OR6K3: variants seen among roughly 807,000 people sequenced by gnomAD.
OR6K3 encodes the protein olfactory receptor family 6 subfamily K member 3, also known as olfactory receptor 6K3.
For missense variants in OR6K3, 396 were observed against 382.5 expected, an observed-to-expected ratio of 1.04 and a Z score of -0.29; for synonymous variants, 169 against 137.7, an observed-to-expected ratio of 1.23 and a Z score of -1.59.
rs1656151861 is a variant in OR6K3 at position 158,716,624 on chromosome 1, T to G, written c.*544A>C. 6.5e-6 allele frequency: 1 copy of G among 152,856 alleles called. No individual in the cohort carries two copies. The highest frequency in any genetic ancestry group is 2.1e-4 in the South Asian group (1 of 4,856). 9.5% of individuals were successfully genotyped at this position (152,856 alleles called of 1,614,324 possible). On this transcript the variant is annotated 3_prime_UTR_variant, in exon 2 of 2. Coordinates refer to ENST00000368145, the MANE Select transcript of OR6K3 (RefSeq NM_001005327.3). ...AACAAATTTTCTTTAACCACAGCAT[T>G]TCAGAAGAAAGAAACTACAGTTATT...
chr1:158,725,051 T>C (rs1441015037), upstream of OR6K3: 1 of 152,578 alleles, frequency 6.6e-6, no homozygotes, highest in Non-Finnish European at 1.5e-5. Flanking sequence ...TGTAGCAGTT[T>C]GGTTAATACT....
chr1:158,721,934 T>C (rs1466556117), upstream of OR6K3, among the ~76,000 whole-genome samples: 1 of 151,934 alleles, frequency 6.6e-6, no homozygotes, highest in Non-Finnish European at 1.5e-5. Context: ...TTTCTCAACT[T>C]TTTTTCTGAT....
chr1:158,724,031 G>C (rs1461478158), upstream of OR6K3: 1 of 152,176 alleles, frequency 6.6e-6, no homozygotes, highest in Non-Finnish European at 1.5e-5. Flanking sequence ...ATATCCATGT[G>C]ACAATGAATG....
At chr1:158,723,546 CTG>C (rs1234750329), upstream of OR6K3, among the ~76,000 whole-genome samples, 3 of 152,042 alleles carry the variant, frequency 2.0e-5, no homozygotes, top group Admixed American at 2.0e-4. Flanking sequence ...TGCACAAGCT[CTG>C]TGTTTTGCAC....
At chr1:158,718,583 T>A (rs1656223028) in intron 1 of OR6K3, among the ~76,000 whole-genome samples, 1 of 151,862 alleles carries the variant, frequency 6.6e-6, no homozygotes, top group Non-Finnish European at 1.5e-5. Context: ...AAATTATATA[T>A]CTGTATCTCA....
upstream of OR6K3, among the ~76,000 whole-genome samples, chr1:158,721,697 G>T (rs1435180421): frequency 4.7e-5 from 7 of 150,406 alleles, no homozygotes; most frequent in Non-Finnish European, 8.9e-5. Flanking sequence ...CCTCTGTTTT[G>T]TTTTTTTTCT....
At chr1:158,724,715 TC>T, upstream of OR6K3, 1 of 225,364 alleles carries the variant, frequency 4.4e-6, no homozygotes. Context: ...GCCATGGTGG[TC>T]AACAAAATCC....
intron 1 of OR6K3, among the ~76,000 whole-genome samples, chr1:158,719,374 A>G (rs893007419): frequency 1.3e-5 from 2 of 151,908 alleles, no homozygotes; most frequent in African/African-American, 4.8e-5. Flanking sequence ...TAAACTATTA[A>G]TACTTCTAAA....
chr1:158,717,933 A>C lies in OR6K3; in HGVS notation c.183T>G (p.Asn61Lys). Residue 61 changes from asparagine (N) to lysine (K), a missense_variant, in exon 2 of 2, where the codon AAT becomes AAG. By Grantham distance (94) the Asn-to-Lys change is moderately conservative. Coordinates refer to ENST00000368145, the MANE Select transcript of OR6K3 (RefSeq NM_001005327.3). ...CCAGAAAGGAAAATATACTGATAAA[A>C]TTATACATGGGGTTGTGGAGATGGG... ...LDTHLHNPMY[N>K]FISIFSFLEI... 1 of 1,613,756 alleles carries C rather than the reference A, an allele frequency of 6.2e-7. No homozygotes were observed. Among genetic ancestry groups the C allele is most frequent in the Non-Finnish European group, 8.5e-7 (1 of 1,179,794 alleles).
chr1:158,720,096 T>G (rs1052736297), intron 1 of OR6K3, among the ~76,000 whole-genome samples: 5 of 152,032 alleles, frequency 3.3e-5, no homozygotes, highest in African/African-American at 1.2e-4. Context: ...TGTAAATGTA[T>G]TTTAAAACCT....
upstream of OR6K3, chr1:158,724,781 T>C (rs533063171): frequency 4.1e-5 from 9 of 221,334 alleles, no homozygotes; most frequent in South Asian, 6.4e-4. Context: ...CAGCCAACCA[T>C]GGAGATGGTC....
In OR6K3 at chr1:158,716,807, T is replaced by C. The variant is rs2101984426; in HGVS notation, c.*361A>G. ...TATAGAGTAATCTCATGTTCTAATA[T>C]GTTAGACAAACATTAAAGCAATGGA... On this transcript the variant is annotated 3_prime_UTR_variant, in exon 2 of 2. Coordinates refer to ENST00000368145, the MANE Select transcript of OR6K3 (RefSeq NM_001005327.3). The C allele has an allele frequency of 5.0e-6, 1 of 199,978 alleles. No individual in the cohort carries two copies. The allele number at this position is 199,978 out of a possible 1,614,324, so 12.4% of individuals were successfully genotyped here.
At chr1:158,722,184 G>A (rs1571572686), upstream of OR6K3, among the ~76,000 whole-genome samples, 1 of 152,012 alleles carries the variant, frequency 6.6e-6, no homozygotes, top group East Asian at 1.9e-4. Context: ...TTTTAAAGAA[G>A]GCAATCTGTG....
upstream of OR6K3, chr1:158,724,560 G>C: frequency 3.8e-6 from 1 of 264,216 alleles, no homozygotes; most frequent in African/African-American, 2.3e-5. Flanking sequence ...GTCCACAGAA[G>C]GGCAGTGTGG....
At chr1:158,718,460 G>A (rs1656220595) in intron 1 of OR6K3, among the ~76,000 whole-genome samples, 1 of 150,930 alleles carries the variant, frequency 6.6e-6, no homozygotes, top group Admixed American at 6.6e-5. Context: ...GTCTCCAAAT[G>A]TTTTAATAAT....
At position 158,718,006 on chromosome 1, in the gene OR6K3, A is replaced by C. The variant is rs138237790; in HGVS notation, c.110T>G (p.Phe37Cys). Reference sequence around the variant, plus strand: ...GATTAATAAGTTATCAATGATAATAAAAGTATAGATGAAAAGTAAAGGAAA... The same window carrying C: ...GATTAATAAGTTATCAATGATAATACAAGTATAGATGAAAAGTAAAGGAAA... ...YFFPLLFIYT[F>C]IIIDNLLIFS... The change falls in exon 2 of 2, where the codon TTT (phenylalanine) becomes TGT (cysteine). Residue 37 changes from phenylalanine (F) to cysteine (C), a missense_variant. Phe to Cys is a radical substitution (Grantham distance 205, BLOSUM62 -2). Transcript: ENST00000368145. The C allele has an allele frequency of 9.2e-5, 149 of 1,612,496 alleles. No homozygotes were observed. Among genetic ancestry groups the C allele is most frequent in the Non-Finnish European group, 1.2e-4 (137 of 1,178,864 alleles).
Position 158,719,220 on chromosome 1 carries a change from T to C in OR6K3, c.-17-1088A>G, listed in dbSNP as rs115346236. 6.3e-3 allele frequency among the ~76,000 whole-genome samples: 957 copies of C among 152,056 alleles called. 6 individuals are homozygous for C. The highest frequency in any genetic ancestry group is 0.022 in the African/African-American group (911 of 41,510). The stretch of plus-strand genomic sequence containing the variant: ...TATTTTATTTATATTTTCTTTCTTA[T>C]TCTGCCTCTTCTCTCTTATATTAGC... On this transcript the variant is annotated intron_variant, in intron 1 of 1. Coordinates refer to ENST00000368145, the MANE Select transcript of OR6K3 (RefSeq NM_001005327.3).
At chr1:158,722,646 G>A (rs540378546), upstream of OR6K3, among the ~76,000 whole-genome samples, 1 of 152,048 alleles carries the variant, frequency 6.6e-6, no homozygotes, top group African/African-American at 2.4e-5. Flanking sequence ...CCAACACCGG[G>A]CAGATAAGTA....
In OR6K3 at chr1:158,716,905, G is replaced by T. The variant is rs896290193; in HGVS notation, c.*263C>A. ...GGCAGAGGAGTTTGGATCACCTAAG[G>T]TCAGGAGTTCAAGACCAGCCTGACC... On this transcript the variant is annotated 3_prime_UTR_variant, in exon 2 of 2. Coordinates refer to ENST00000368145, the MANE Select transcript of OR6K3 (RefSeq NM_001005327.3). 23 of 336,124 alleles carry T rather than the reference G, an allele frequency of 6.8e-5. No homozygotes were observed. Among genetic ancestry groups the T allele is most frequent in the African/African-American group, 4.6e-4 (22 of 47,524 alleles). 20.8% of individuals were successfully genotyped at this position (336,124 alleles called of 1,614,324 possible). A position where few individuals can be genotyped will look rare whatever the true frequency, so the allele number is the denominator to read the frequency against.
Sources: gnomAD v4.1 joint callset for allele counts (sites outside exome capture counted in the v4.1 genomes callset) on GRCh38, gnomAD v4.1.1 for gene constraint, MANE v1.5 for transcripts, NCBI Gene and HGNC (gene_info 2026-07-23, HGNC 2026-07-21) for gene names.